CNTNAP2: variants seen among roughly 807,000 people sequenced by gnomAD.
The protein encoded by CNTNAP2 is contactin associated protein 2.
In CNTNAP2, 98 loss-of-function variants were observed where a neutral mutation model predicts 155.2. The ratio of observed to expected loss-of-function variants is 0.63; its 90% CI spans 0.54 to 0.75. The LOEUF (loss-of-function observed/expected upper bound fraction) is 0.75, where lower values mean the gene tolerates loss of function less well. Ranked by LOEUF, CNTNAP2 falls within the 30% of genes least tolerant of loss-of-function variation. The pLI, the probability that CNTNAP2 is intolerant of heterozygous loss-of-function variation, is 0.00. For synonymous variants in CNTNAP2, 651 were observed against 631.2 expected (o/e 1.03, Z -0.47); for missense variants, 1,727 against 1,688.1 (o/e 1.02, Z -0.40).
Position 147,337,860 on chromosome 7 carries a change from A to G in CNTNAP2, c.1498+37570A>G, listed in dbSNP as rs538966648. ...GAATAGAAGAAAAATAACTCTAGTC[A>G]TCAGTAAAATGTCCTTAAATAGTTG... On this transcript the variant is annotated intron_variant, in intron 9 of 23. Coordinates refer to ENST00000361727, the MANE Select transcript of CNTNAP2 (RefSeq NM_014141.6). Among the ~76,000 whole-genome samples, 10 of 152,310 alleles carry G rather than the reference A, an allele frequency of 6.6e-5. No homozygotes were observed. In the South Asian group the frequency reaches 1.9e-3, roughly 28 times the overall value.
intron 4 of CNTNAP2, among the ~76,000 whole-genome samples, chr7:147,079,921 T>C (rs1800086060): frequency 6.6e-6 from 1 of 151,788 alleles, no homozygotes; most frequent in Non-Finnish European, 1.5e-5. Flanking sequence ...CACTTCATAC[T>C]GAGACTCAGA....
chr7:147,516,330 C>G (rs1314855393), intron 11 of CNTNAP2, among the ~76,000 whole-genome samples: 1 of 152,074 alleles, frequency 6.6e-6, no homozygotes, highest in Non-Finnish European at 1.5e-5. Context: ...TAATTAGCTT[C>G]TCTTAATTTT....
intron 3 of CNTNAP2, among the ~76,000 whole-genome samples, chr7:146,845,379 C>T (rs978731855): frequency 3.9e-5 from 6 of 152,174 alleles, no homozygotes; most frequent in African/African-American, 1.2e-4. Context: ...GTTTTATAAA[C>T]TTGGAGATCT....
intron 5 of CNTNAP2, among the ~76,000 whole-genome samples, chr7:147,111,067 T>A (rs1443885880): frequency 6.6e-6 from 1 of 152,200 alleles, no homozygotes; most frequent in African/African-American, 2.4e-5. Context: ...TAATAGTCAT[T>A]TTGACTGGTG....
At chr7:146,861,118 T>G (rs1450529639) in intron 3 of CNTNAP2, among the ~76,000 whole-genome samples, 1 of 152,184 alleles carries the variant, frequency 6.6e-6, no homozygotes, top group East Asian at 1.9e-4. Context: ...TGGAGTGCAG[T>G]GGTGTGATCT....
chr7:146,388,194 G>A (rs375751875), intron 1 of CNTNAP2, among the ~76,000 whole-genome samples: 15 of 151,758 alleles, frequency 9.9e-5, no homozygotes, highest in Admixed American at 6.6e-4. Context: ...ACTTTGAGAC[G>A]CTGAGGCAGG....
At chr7:146,203,429 A>G (rs1415677753) in intron 1 of CNTNAP2, among the ~76,000 whole-genome samples, 2 of 152,154 alleles carry the variant, frequency 1.3e-5, no homozygotes, top group African/African-American at 4.8e-5. Flanking sequence ...GGAAGTTACA[A>G]TGGATATTGG....
At chr7:147,447,277 TCTA>T (rs1797756663) in intron 10 of CNTNAP2, among the ~76,000 whole-genome samples, 1 of 152,196 alleles carries the variant, frequency 6.6e-6, no homozygotes, top group Admixed American at 6.5e-5. Context: ...AATATATAGA[TCTA>T]CTTACATATA....
chr7:147,429,347 A>C (rs1022985462), intron 10 of CNTNAP2, among the ~76,000 whole-genome samples: 1 of 151,952 alleles, frequency 6.6e-6, no homozygotes, highest in African/African-American at 2.4e-5. Flanking sequence ...ATATTGAGCA[A>C]GTTTTCATAT....
intron 4 of CNTNAP2, among the ~76,000 whole-genome samples, chr7:147,052,607 T>G (rs948049585): frequency 6.6e-6 from 1 of 152,178 alleles, no homozygotes; most frequent in African/African-American, 2.4e-5. Context: ...TTTTTCTAAT[T>G]TAAATATTTG....
chr7:147,854,575 G>C (rs55932730), intron 13 of CNTNAP2, among the ~76,000 whole-genome samples: 52,849 of 151,944 alleles, frequency 0.35, 9,544 homozygotes, highest in East Asian at 0.5. Flanking sequence ...CTACTTCAAG[G>C]TTATGTTCTC....
At chr7:146,642,358 T>C (rs1239106702) in intron 1 of CNTNAP2, among the ~76,000 whole-genome samples, 1 of 137,728 alleles carries the variant, frequency 7.3e-6, no homozygotes, top group Non-Finnish European at 1.5e-5. Flanking sequence ...CCTTCCTGTG[T>C]CCATGTGTTC....
intron 21 of CNTNAP2, among the ~76,000 whole-genome samples, chr7:148,327,027 C>G (rs964785937): frequency 6.6e-6 from 1 of 152,212 alleles, no homozygotes; most frequent in Non-Finnish European, 1.5e-5. Flanking sequence ...AGGTTTGCAA[C>G]GGGCTCGCAG....
intron 1 of CNTNAP2, among the ~76,000 whole-genome samples, chr7:146,479,207 T>C (rs1233223593): frequency 2.0e-5 from 3 of 152,184 alleles, no homozygotes; most frequent in East Asian, 1.9e-4. Context: ...ATCATTGCTT[T>C]TAGAACAAAC....
intron 1 of CNTNAP2, among the ~76,000 whole-genome samples, chr7:146,166,542 T>C (rs1223473742): frequency 6.6e-6 from 1 of 152,226 alleles, no homozygotes; most frequent in Non-Finnish European, 1.5e-5. Context: ...ATGAACTTAC[T>C]TAAATGATAA....
At chr7:146,755,280 C>T (rs1585075131) in intron 1 of CNTNAP2, among the ~76,000 whole-genome samples, 1 of 151,948 alleles carries the variant, frequency 6.6e-6, no homozygotes, top group East Asian at 1.9e-4. Context: ...AGAATGTCTG[C>T]AATCTATAGG....
At chr7:147,055,154 A>G (rs985044959) in intron 4 of CNTNAP2, among the ~76,000 whole-genome samples, 3 of 152,164 alleles carry the variant, frequency 2.0e-5, no homozygotes, top group Non-Finnish European at 4.4e-5. Context: ...TGCTAGGAAA[A>G]AAGTCCTTAT....
intron 21 of CNTNAP2, among the ~76,000 whole-genome samples, chr7:148,274,248 A>T (rs1222648461): frequency 6.7e-6 from 1 of 148,542 alleles, no homozygotes; most frequent in East Asian, 2.0e-4. Context: ...AGCATGAGAT[A>T]AAAAAAACTC....
At chr7:147,179,143 C>A (rs1006317314) in intron 8 of CNTNAP2, among the ~76,000 whole-genome samples, 6 of 152,052 alleles carry the variant, frequency 3.9e-5, no homozygotes, top group African/African-American at 1.4e-4. Flanking sequence ...GATTTCTATG[C>A]CTGTAATTCC....
Sources: gnomAD v4.1 joint callset for allele counts (sites outside exome capture counted in the v4.1 genomes callset) on GRCh38, gnomAD v4.1.1 for gene constraint, MANE v1.5 for transcripts, NCBI Gene and HGNC (gene_info 2026-07-23, HGNC 2026-07-21) for gene names.